The following MTMR3 variants were observed in gnomAD, a reference collection of about 807,000 sequenced individuals.
MTMR3 encodes the protein phosphatidylinositol-3,5-bisphosphate 3-phosphatase MTMR3.
MTMR3 carries 32 observed loss-of-function variants against 132.4 expected under a neutral mutation model. The observed-to-expected ratio is 0.24, with a 90% CI of 0.18 to 0.32. The LOEUF (loss-of-function observed/expected upper bound fraction) is 0.32. Ranked by LOEUF, MTMR3 falls within the 10% of genes least tolerant of loss-of-function variation. The probability of loss-of-function intolerance (pLI) is 1.00; values close to 1 mark genes in which losing one functional copy is unlikely to be tolerated. For synonymous variants in MTMR3, 556 were observed against 550.3 expected (o/e 1.01, Z -0.14); for missense variants, 1,216 against 1,489.6 (o/e 0.82, Z 3.02).
chr22:30,007,227 CCT>C lies in MTMR3; in HGVS notation c.788_789del (p.Ser263Ter). On this transcript the variant is annotated frameshift_variant, in exon 10 of 20. Coordinates refer to ENST00000401950, the MANE Select transcript of MTMR3 (RefSeq NM_021090.4). LOFTEE classifies it high-confidence loss of function. ...GTACAGTCAGTAGCCAAAGCTTGTG[CCT>C]CTGACTCCCGATCGAGTGGCAGCAA... The C allele has an allele frequency of 6.2e-7, 1 of 1,614,206 alleles. No homozygotes were observed. The highest frequency in any genetic ancestry group is 8.5e-7 in the Non-Finnish European group (1 of 1,180,038).
At chr22:30,013,586 C>G in intron 14 of MTMR3, 45 bp downstream of exon 14, 1 of 1,581,440 alleles carries the variant, frequency 6.3e-7, no homozygotes, top group Non-Finnish European at 8.7e-7. Flanking sequence ...GAAGGAGGGT[C>G]AGTACAAATG....
chr22:29,964,486 C>T (rs553921050), intron 2 of MTMR3, among the ~76,000 whole-genome samples: 1 of 152,284 alleles, frequency 6.6e-6, no homozygotes, highest in East Asian at 1.9e-4. Flanking sequence ...ATTCCTATAG[C>T]AGTTTTAACT....
In MTMR3 at chr22:30,020,554, G is replaced by T; in HGVS notation, c.2895G>T (p.Arg965Ser). 1 of 1,614,198 alleles carries T rather than the reference G, an allele frequency of 6.2e-7. No individual in the cohort carries two copies. The highest frequency in any genetic ancestry group is 8.5e-7 in the Non-Finnish European group (1 of 1,180,042). ...NGHCANGEAG[R>S]SKDSLSRQLS... The stretch of plus-strand genomic sequence containing the variant: ...ATTGCGCCAATGGGGAGGCTGGTAG[G>T]AGCAAGGACTCACTGAGCCGTCAGC... Residue 965 changes from arginine (R) to serine (S), a missense_variant, in exon 17 of 20, where the codon AGG becomes AGT. Physicochemically the swap from Arg to Ser is moderately radical, Grantham distance 110. Around this residue, in one of 7 missense-constraint regions of MTMR3, gnomAD observed 852 missense variants for 852.0 expected, o/e 1.00. Coordinates refer to ENST00000401950, the MANE Select transcript of MTMR3 (RefSeq NM_021090.4).
intron 1 of MTMR3, among the ~76,000 whole-genome samples, chr22:29,888,768 CTTTTT>C (rs3049983): frequency 3.7e-3 from 377 of 101,872 alleles, no homozygotes; most frequent in East Asian, 6.8e-3. Flanking sequence ...TTAGTTAATA[CTTTTT>C]TTTTTTTTTT....
chr22:29,924,031 G>A (rs1411610117), intron 1 of MTMR3, among the ~76,000 whole-genome samples: 2 of 152,148 alleles, frequency 1.3e-5, no homozygotes, highest in African/African-American at 4.8e-5. Flanking sequence ...GTGCACAAAA[G>A]ATTTTCATTT....
intron 1 of MTMR3, among the ~76,000 whole-genome samples, chr22:29,905,043 A>G (rs2065069799): frequency 6.6e-6 from 1 of 152,200 alleles, no homozygotes; most frequent in Non-Finnish European, 1.5e-5. Flanking sequence ...TCTTAGAGCT[A>G]TTGTTACATC....
intron 1 of MTMR3, among the ~76,000 whole-genome samples, chr22:29,937,737 A>G (rs140057260): frequency 6.6e-5 from 10 of 152,342 alleles, no homozygotes; most frequent in Non-Finnish European, 1.3e-4. Flanking sequence ...CTCCTGAGAA[A>G]AATAAATTTA....
intron 1 of MTMR3, among the ~76,000 whole-genome samples, chr22:29,937,095 T>C (rs1230847383): frequency 6.6e-6 from 1 of 152,140 alleles, no homozygotes; most frequent in Non-Finnish European, 1.5e-5. Flanking sequence ...GCTTTTGTTA[T>C]TATATATTAG....
chr22:29,951,889 GT>G (rs11331318), intron 1 of MTMR3, among the ~76,000 whole-genome samples: 7,739 of 131,288 alleles, frequency 0.059, 277 homozygotes, highest in South Asian at 0.23. Context: ...ACAAGTAAAG[GT>G]TTTTTTTTTT....
chr22:29,929,106 G>A (rs929690771), intron 1 of MTMR3, among the ~76,000 whole-genome samples: 5 of 151,842 alleles, frequency 3.3e-5, no homozygotes, highest in African/African-American at 9.7e-5. Flanking sequence ...ATGGTGAAAC[G>A]CTGTCTCTAC....
intron 1 of MTMR3, among the ~76,000 whole-genome samples, chr22:29,914,435 A>C (rs2065271772): frequency 6.6e-6 from 1 of 152,196 alleles, no homozygotes; most frequent in Non-Finnish European, 1.5e-5. Context: ...GCTCATTAAA[A>C]TAGGTTGTTT....
intron 1 of MTMR3, among the ~76,000 whole-genome samples, chr22:29,922,314 C>T (rs1370542218): frequency 2.0e-5 from 3 of 152,142 alleles, no homozygotes; most frequent in Non-Finnish European, 2.9e-5. Flanking sequence ...CCACCACGCC[C>T]GGCCTGTATC....
At chr22:29,995,625 T>C (rs1247654422) in intron 7 of MTMR3, 1 of 152,178 alleles carries the variant, frequency 6.6e-6, no homozygotes, top group Non-Finnish European at 1.5e-5. Flanking sequence ...CAAAGGCAGA[T>C]AGGAAGGGTT....
At chr22:29,960,919 C>G (rs981923551) in intron 2 of MTMR3, among the ~76,000 whole-genome samples, 3 of 152,114 alleles carry the variant, frequency 2.0e-5, no homozygotes, top group Admixed American at 2.0e-4. Flanking sequence ...ATCCTAATTG[C>G]AAATGTTTTA....
At chr22:29,981,404 C>T (rs1306339206) in intron 5 of MTMR3, 1 of 152,140 alleles carries the variant, frequency 6.6e-6, no homozygotes, top group Non-Finnish European at 1.5e-5. Context: ...TTGTTGATCC[C>T]CCATTGTGAT....
intron 3 of MTMR3, chr22:29,978,021 T>A (rs923962921): frequency 6.4e-6 from 1 of 157,070 alleles, no homozygotes; most frequent in Non-Finnish European, 1.4e-5. Context: ...GCACCTGTAG[T>A]CCCAGCTACT....
At chr22:29,952,866 C>T (rs1485120975) in intron 1 of MTMR3, among the ~76,000 whole-genome samples, 1 of 152,114 alleles carries the variant, frequency 6.6e-6, no homozygotes, top group East Asian at 1.9e-4. Context: ...ATAGAATGGT[C>T]TTACCCAACA....
Position 29,949,410 on chromosome 22 carries a change from C to T in MTMR3, c.-137-7626C>T, listed in dbSNP as rs546590599. ...ATTCAGGAGGCTGAAGCAGGAGAATCGCTGGAACCCAGGAGGCAGAGGTTG... is the reference window on the plus strand; with the variant it reads ...ATTCAGGAGGCTGAAGCAGGAGAATTGCTGGAACCCAGGAGGCAGAGGTTG... On this transcript the variant is annotated intron_variant, in intron 1 of 19. Coordinates refer to ENST00000401950, the MANE Select transcript of MTMR3 (RefSeq NM_021090.4). Among the ~76,000 whole-genome samples, 367 of 150,786 alleles carry T rather than the reference C, an allele frequency of 2.4e-3. 4 individuals carry two copies. The highest frequency in any genetic ancestry group is 8.5e-3 in the African/African-American group (350 of 41,006).
Position 29,988,470 on chromosome 22 carries a change from A to T in MTMR3, c.211-10A>T, listed in dbSNP as rs377492503. 1.9e-6 allele frequency: 3 copies of T among 1,604,274 alleles called. No individual in the cohort carries two copies. The highest frequency in any genetic ancestry group is 2.7e-5 in the African/African-American group (2 of 74,510). On this transcript the variant is annotated splice_polypyrimidine_tract_variant and intron_variant, in intron 5 of 19. Transcript: ENST00000401950. Reference sequence around the variant, plus strand: ...TTGACTAAGAGGACTTCATTTTTTTAAAATTGCAGGTTCCATTACAGCTTA... The same window carrying T: ...TTGACTAAGAGGACTTCATTTTTTTTAAATTGCAGGTTCCATTACAGCTTA...
Sources: allele counts gnomAD v4.1 joint callset (sites outside exome capture counted in the v4.1 genomes callset), GRCh38; gene constraint gnomAD v4.1.1; regional missense constraint gnomAD v4.1.1; transcripts MANE v1.5; gene names NCBI Gene and HGNC (gene_info 2026-07-23, HGNC 2026-07-21).